Variants in RNF122 observed in about 807,000 individuals in gnomAD.
RNF122 encodes ring finger protein 122.
Under a neutral mutation model 24.2 loss-of-function variants are expected in RNF122, and 17 were observed. That is an observed-to-expected ratio of 0.70 (90% CI 0.48 to 1.06). The LOEUF is 1.06. Among genes scored for constraint, RNF122 ranks in the 50% least tolerant of loss-of-function variants. The pLI is 0.00. For synonymous variants in RNF122, 65 were observed against 71.8 expected, an observed-to-expected ratio of 0.91 and a Z score of 0.48; for missense variants, 168 against 198.1, an observed-to-expected ratio of 0.85 and a Z score of 0.91.
chr8:33,549,427 T>C lies in RNF122; in HGVS notation c.336A>G (p.Gln112=). Residue 112 remains glutamine (Q), a synonymous_variant, in exon 5 of 6, where the codon CAA becomes CAG. Transcript: ENST00000256257. ...CCACGTACTTGCGGTGAAAGGCGTG[T>C]TGGCACGGGAGCACGCCTAACTCAT... ...GKDELGVLPC[Q]HAFHRKCLVK... is the part of the protein sequence containing the mutation. 1 of 1,613,876 alleles carries C rather than the reference T, an allele frequency of 6.2e-7. No homozygotes were observed. Among genetic ancestry groups the C allele is most frequent in the East Asian group, 2.2e-5 (1 of 44,878 alleles).
At chr8:33,550,035 G>T (rs1471022068) in intron 4 of RNF122, among the ~76,000 whole-genome samples, 3 of 151,792 alleles carry the variant, frequency 2.0e-5, no homozygotes, top group African/African-American at 7.3e-5. Flanking sequence ...CCAGATTCAA[G>T]CAATTCTCCT....
chr8:33,548,877 A>C lies in RNF122; in HGVS notation c.354-10T>G. The C allele has an allele frequency of 6.3e-7, 1 of 1,581,570 alleles. No individual in the cohort carries two copies. Among genetic ancestry groups the C allele is most frequent in the South Asian group, 1.1e-5 (1 of 90,432 alleles). Reference sequence around the variant, plus strand: ...CCATTTCACCAGACACCTGAGAACAAATGAGGAATGGTAATCTCTAACCAG... The same window carrying C: ...CCATTTCACCAGACACCTGAGAACACATGAGGAATGGTAATCTCTAACCAG... On this transcript the variant is annotated splice_polypyrimidine_tract_variant and intron_variant, in intron 5 of 5. Transcript: ENST00000256257.
In RNF122 at chr8:33,551,050, T is replaced by C. The variant is rs1810366623; in HGVS notation, c.264A>G (p.Leu88=). The change falls in exon 4 of 6, where the codon TTA becomes TTG. Residue 88 remains leucine, a synonymous_variant. Transcript: ENST00000256257. ...VLKGDAKKLQ[L]YGQTCAVCLE... The stretch of plus-strand genomic sequence containing the variant: ...ACTTTCCTGGCACACTTACCCCATA[T>C]AATTGTAACTTCTTGGCATCACCTT... 3 of 1,613,940 alleles carry C rather than the reference T, an allele frequency of 1.9e-6. No individual in the cohort carries two copies. Among genetic ancestry groups the C allele is most frequent in the Admixed American group, 1.7e-5 (1 of 59,984 alleles).
Position 33,558,773 on chromosome 8 carries a change from TG to T in RNF122, c.26-3del. 2.0e-6 allele frequency: 3 copies of T among 1,533,134 alleles called. No individual in the cohort carries two copies. Among genetic ancestry groups the T allele is most frequent in the Non-Finnish European group, 2.6e-6 (3 of 1,141,694 alleles). 95.0% of individuals were successfully genotyped at this position (1,533,134 alleles called of 1,614,324 possible). A position where few individuals can be genotyped will look rare whatever the true frequency, so the allele number is the denominator to read the frequency against. Reference sequence around the variant, plus strand: ...CCAGTCCCAGGCCACAGAAACACCCTGCAAAGGGAGAGAAAAAAAAATCATT... The same window carrying T: ...CCAGTCCCAGGCCACAGAAACACCCTCAAAGGGAGAGAAAAAAAAATCATT... On this transcript the variant is annotated splice_region_variant and splice_polypyrimidine_tract_variant and intron_variant, in intron 1 of 5. Coordinates refer to ENST00000256257, the MANE Select transcript of RNF122 (RefSeq NM_024787.3).
rs916799842 is a variant in RNF122 at position 33,560,070 on chromosome 8, G to T, written c.26-1299C>A. ...TTGCCCAGGCTGGTCTCGAACTCTT[G>T]ACCTCAGGCGATCCACCCACTTTGG... is the stretch of plus-strand genomic sequence containing the variant. On this transcript the variant is annotated intron_variant, in intron 1 of 5. Transcript: ENST00000256257. Among the ~76,000 whole-genome samples, 10 of 152,032 alleles carry T rather than the reference G, an allele frequency of 6.6e-5. 1 individual carries two copies. The highest frequency in any genetic ancestry group is 6.3e-3 in the Middle Eastern group (2 of 316).
At chr8:33,558,549 AC>A (rs1810489960) in intron 2 of RNF122, 65 bp downstream of exon 2, 2 of 1,390,174 alleles carry the variant, frequency 1.4e-6, no homozygotes, top group Admixed American at 4.5e-5. Context: ...CGCTCAGCTT[AC>A]CCCACAACCC....
chr8:33,555,866 C>T (rs1393597193), intron 2 of RNF122, among the ~76,000 whole-genome samples: 1 of 152,070 alleles, frequency 6.6e-6, no homozygotes, highest in Non-Finnish European at 1.5e-5. Context: ...ATGGAAAGCC[C>T]TTGGTAAAGA....
chr8:33,555,022 C>T (rs925007830), intron 2 of RNF122, among the ~76,000 whole-genome samples: 3 of 152,044 alleles, frequency 2.0e-5, no homozygotes, highest in Admixed American at 2.0e-4. Context: ...CTACCATGTA[C>T]CAGTGGGCCT....
Position 33,547,976 on chromosome 8 carries a change from T to G in RNF122, c.*777A>C, listed in dbSNP as rs1810309930. On this transcript the variant is annotated 3_prime_UTR_variant, in exon 6 of 6. Coordinates refer to ENST00000256257, the MANE Select transcript of RNF122 (RefSeq NM_024787.3). ...GACACCCCCATCCCCACACCCCTTT[T>G]GATCAAAAAAAAAAAAAAAAAAAAA... The G allele has an allele frequency of 2.7e-5, 2 of 73,262 alleles. No individual in the cohort carries two copies. Among genetic ancestry groups the G allele is most frequent in the East Asian group, 3.8e-4 (1 of 2,598 alleles). The allele number at this position is 73,262 out of a possible 1,614,324, so 4.5% of individuals were successfully genotyped here. A position where few individuals can be genotyped will look rare whatever the true frequency, so the allele number is the denominator to read the frequency against.
At chr8:33,551,507 C>A (rs1018399732) in intron 2 of RNF122, 118 bp from the exon 3 acceptor site, 3 of 945,876 alleles carry the variant, frequency 3.2e-6, no homozygotes, top group Non-Finnish European at 5.1e-6. Flanking sequence ...TTGTCCCATA[C>A]ACACCACAGG....
chr8:33,547,847 AC>A lies in RNF122; in HGVS notation c.*905del, dbSNP rs1563366978. 6.6e-6 allele frequency: 1 copy of A among 151,284 alleles called. No homozygotes were observed. The highest frequency in any genetic ancestry group is 2.4e-5 in the African/African-American group (1 of 41,064). 9.4% of individuals were successfully genotyped at this position (151,284 alleles called of 1,614,324 possible). A position where few individuals can be genotyped will look rare whatever the true frequency, so the allele number is the denominator to read the frequency against. ...CTCCAGGGAGGAACAGAAAATCCCC[AC>A]CCCCTTCCATTCTGGAGATTTCGTA... On this transcript the variant is annotated 3_prime_UTR_variant, in exon 6 of 6. Transcript: ENST00000256257.
At chr8:33,551,208 AG>A (rs1810369825) in intron 3 of RNF122, 123 bp from the exon 4 acceptor site, 2 of 1,464,378 alleles carry the variant, frequency 1.4e-6, no homozygotes, top group Non-Finnish European at 1.9e-6. Context: ...CAGACACTGA[AG>A]GGGTTTAGCC....
chr8:33,555,605 T>C (rs1231605274), intron 2 of RNF122, among the ~76,000 whole-genome samples: 1 of 152,212 alleles, frequency 6.6e-6, no homozygotes, highest in Non-Finnish European at 1.5e-5. Context: ...AAGGGGGTGG[T>C]TGTGGAGCCT....
At chr8:33,559,682 G>C (rs1344421280) in intron 1 of RNF122, among the ~76,000 whole-genome samples, 3 of 152,052 alleles carry the variant, frequency 2.0e-5, no homozygotes, top group Admixed American at 2.0e-4. Flanking sequence ...GGCGATGGGG[G>C]TGGGGAGGAG....
Position 33,566,952 on chromosome 8 carries a change from C to T in RNF122, c.-229G>A. 1.8e-6 allele frequency: 1 copy of T among 563,328 alleles called. No individual in the cohort carries two copies. The highest frequency in any genetic ancestry group is 3.0e-5 in the Admixed American group (1 of 33,470). 34.9% of individuals were successfully genotyped at this position (563,328 alleles called of 1,614,324 possible). On this transcript the variant is annotated 5_prime_UTR_variant, in exon 1 of 6. It adds an upstream start codon to the 5' untranslated region. Transcript: ENST00000256257. ...GAAACAAACAAAGTCCCGCGGAGCA[C>T]AGCCGCACGGAGCGCACGCGCCAAG...
Position 33,547,824 on chromosome 8 carries a change from C to G in RNF122, c.*929G>C, listed in dbSNP as rs1810307153. On this transcript the variant is annotated 3_prime_UTR_variant, in exon 6 of 6. Coordinates refer to ENST00000256257, the MANE Select transcript of RNF122 (RefSeq NM_024787.3). ...TAACTTTCTCCCACCCTCACCCACT[C>G]CAGGGAGGAACAGAAAATCCCCACC... 6.6e-6 allele frequency: 1 copy of G among 151,646 alleles called. No homozygotes were observed. Among genetic ancestry groups the G allele is most frequent in the African/African-American group, 2.4e-5 (1 of 41,250 alleles). 9.4% of individuals were successfully genotyped at this position (151,646 alleles called of 1,614,324 possible).
chr8:33,551,657 A>C (rs1306394483), intron 2 of RNF122, among the ~76,000 whole-genome samples: 1 of 152,186 alleles, frequency 6.6e-6, no homozygotes, highest in East Asian at 1.9e-4. Flanking sequence ...CAAATAGCTC[A>C]TTCACTCACC....
At chr8:33,549,323 T>A (rs1477401558) in intron 5 of RNF122, 87 bp downstream of exon 5, 2 of 1,078,354 alleles carry the variant, frequency 1.9e-6, no homozygotes. Flanking sequence ...AAGGGGCAAA[T>A]AGAAAGTGGC....
rs1810630328 is a variant in RNF122, at chr8:33,566,692, G to C, written c.25+7C>G. 3.1e-6 allele frequency: 5 copies of C among 1,601,812 alleles called. No homozygotes were observed. In the African/African-American group the frequency reaches 5.3e-5, roughly 17 times the overall value. On this transcript the variant is annotated splice_region_variant and intron_variant, in intron 1 of 5. Coordinates refer to ENST00000256257, the MANE Select transcript of RNF122 (RefSeq NM_024787.3). ...ACGTAGGCTCGGCCCTCGCCCCGGG[G>C]ACTCACCGTTACACCACTGGAATGG...
Sources: gnomAD v4.1 joint callset for allele counts (sites outside exome capture counted in the v4.1 genomes callset) on GRCh38, gnomAD v4.1.1 for gene constraint, MANE v1.5 for transcripts, NCBI Gene and HGNC (gene_info 2026-07-23, HGNC 2026-07-21) for gene names.